The following SNX30 variants were observed in gnomAD, a reference collection of about 807,000 sequenced individuals.
SNX30 encodes sorting nexin-30.
A neutral mutation model predicts 46.4 loss-of-function variants in SNX30; 24 were observed. The ratio of observed to expected loss-of-function variants is 0.52; its 90% CI spans 0.37 to 0.73. The LOEUF (loss-of-function observed/expected upper bound fraction) is 0.73, where lower values mean the gene tolerates loss of function less well. SNX30 is among the 30% of genes least tolerant of loss of function. The pLI, the probability that SNX30 is intolerant of heterozygous loss-of-function variation, is 0.00. For missense variants in SNX30, 533 were observed against 555.7 expected, an observed-to-expected ratio of 0.96 and a Z score of 0.41; for synonymous variants, 189 against 211.5, an observed-to-expected ratio of 0.89 and a Z score of 0.92.
intron 1 of SNX30, among the ~76,000 whole-genome samples, chr9:112,764,141 G>A (rs1839491594): frequency 6.6e-6 from 1 of 152,152 alleles, no homozygotes; most frequent in South Asian, 2.1e-4. Context: ...AGAAGATGAT[G>A]TTTGAGCTGG....
chr9:112,795,886 A>G (rs1321749605), intron 1 of SNX30, among the ~76,000 whole-genome samples: 2 of 152,212 alleles, frequency 1.3e-5, no homozygotes, highest in Non-Finnish European at 2.9e-5. Context: ...GATTAAAACT[A>G]CAAAATGCTT....
intron 1 of SNX30, among the ~76,000 whole-genome samples, chr9:112,764,388 T>A (rs1389597082): frequency 6.6e-6 from 1 of 152,206 alleles, no homozygotes; most frequent in African/African-American, 2.4e-5. Flanking sequence ...TTGTTGTTGC[T>A]GTTTTTTAAA....
chr9:112,837,577 G>A (rs1354852373), intron 5 of SNX30, among the ~76,000 whole-genome samples: 4 of 151,920 alleles, frequency 2.6e-5, no homozygotes, highest in Non-Finnish European at 4.4e-5. Context: ...CCGGGTTCAC[G>A]CCATTCTCCT....
intron 6 of SNX30, among the ~76,000 whole-genome samples, chr9:112,845,951 T>G (rs1039491937): frequency 1.2e-4 from 18 of 151,830 alleles, no homozygotes; most frequent in African/African-American, 4.4e-4. Flanking sequence ...GGGAAGAAAA[T>G]TTCCAGAAAA....
intron 6 of SNX30, among the ~76,000 whole-genome samples, chr9:112,844,959 T>C (rs1374972666): frequency 6.6e-6 from 1 of 152,206 alleles, no homozygotes; most frequent in Admixed American, 6.5e-5. Context: ...AAGAGTTTTC[T>C]GGAAGATTGA....
At chr9:112,815,263 AAAAAT>A (rs1456497863) in intron 2 of SNX30, among the ~76,000 whole-genome samples, 6 of 152,228 alleles carry the variant, frequency 3.9e-5, no homozygotes, top group Non-Finnish European at 8.8e-5. Flanking sequence ...TGTAGTTACC[AAAAAT>A]GATTTCAAAT....
At chr9:112,788,073 T>G (rs1043691156) in intron 1 of SNX30, among the ~76,000 whole-genome samples, 1 of 152,236 alleles carries the variant, frequency 6.6e-6, no homozygotes, top group East Asian at 1.9e-4. Context: ...TTAGTCTTGC[T>G]AAAAGTGCAA....
At chr9:112,823,623 AAAGC>A (rs1840538779) in intron 3 of SNX30, among the ~76,000 whole-genome samples, 1 of 152,238 alleles carries the variant, frequency 6.6e-6, no homozygotes. Context: ...TTTAAGGAAG[AAAGC>A]TTTCTGGAAG....
In SNX30 at chr9:112,838,672, A is replaced by G; in HGVS notation, c.989A>G (p.Tyr330Cys). 6.2e-7 allele frequency: 1 copy of G among 1,614,124 alleles called. No individual in the cohort carries two copies. Among genetic ancestry groups the G allele is most frequent in the Non-Finnish European group, 8.5e-7 (1 of 1,179,988 alleles). Reference protein sequence around the residue: ...TEDFLPVLREYILYSDSMKSV... With the variant: ...TEDFLPVLRECILYSDSMKSV... ...GACTTCCTACCTGTGCTCAGGGAATATATTTTATACTCTGACTCCATGAAG... is the reference window on the plus strand; with the variant it reads ...GACTTCCTACCTGTGCTCAGGGAATGTATTTTATACTCTGACTCCATGAAG... The change falls in exon 6 of 9, where the codon TAT (tyrosine) becomes TGT (cysteine). Residue 330 changes from tyrosine to cysteine, a missense_variant. Tyr to Cys is a radical substitution (Grantham distance 194, BLOSUM62 -2). Around this residue, in one of 3 missense-constraint regions of SNX30, gnomAD observed 261 missense variants for 270.9 expected, o/e 0.96. Coordinates refer to ENST00000374232, the MANE Select transcript of SNX30 (RefSeq NM_001012994.2).
intron 6 of SNX30, among the ~76,000 whole-genome samples, chr9:112,842,439 T>G (rs57672123): frequency 0.17 from 26,552 of 152,218 alleles, 3,121 homozygotes; most frequent in African/African-American, 0.33. Context: ...AAATGGTGGA[T>G]GGCTGGTCCC....
chr9:112,836,913 A>G (rs962908782), intron 5 of SNX30, among the ~76,000 whole-genome samples: 10 of 152,224 alleles, frequency 6.6e-5, no homozygotes, highest in African/African-American at 2.4e-4. Flanking sequence ...GGGAGTTGCC[A>G]GGGCCTGTAT....
chr9:112,879,490 A>G, downstream of SNX30: 1 of 396,150 alleles, frequency 2.5e-6, no homozygotes, highest in Admixed American at 3.7e-5. Flanking sequence ...CCTGCCTGTA[A>G]CCCTTAAGGT....
chr9:112,876,887 G>A (rs985425795), downstream of SNX30, among the ~76,000 whole-genome samples: 7 of 147,698 alleles, frequency 4.7e-5, no homozygotes, highest in Middle Eastern at 3.2e-3. Flanking sequence ...AGTGAGCTGC[G>A]ATTGCACCAC....
chr9:112,767,506 A>G (rs1437942580), intron 1 of SNX30, among the ~76,000 whole-genome samples: 1 of 152,044 alleles, frequency 6.6e-6, no homozygotes, highest in East Asian at 1.9e-4. Flanking sequence ...CAGTGTCATG[A>G]AGCTTTTCCC....
At chr9:112,864,161 C>G in intron 7 of SNX30, 86 bp from the exon 8 acceptor site, 1 of 1,420,400 alleles carries the variant, frequency 7.0e-7, no homozygotes, top group Non-Finnish European at 9.9e-7. Context: ...GGGCTTTGGC[C>G]TTTGACAAAT....
intron 1 of SNX30, among the ~76,000 whole-genome samples, chr9:112,762,798 C>T (rs371821052): frequency 1.3e-5 from 2 of 152,202 alleles, no homozygotes; most frequent in African/African-American, 2.4e-5. Flanking sequence ...TCAGCAGAGG[C>T]GACGTTACCA....
intron 1 of SNX30, among the ~76,000 whole-genome samples, chr9:112,786,456 A>C (rs1211862865): frequency 6.6e-6 from 1 of 150,860 alleles, no homozygotes; most frequent in African/African-American, 2.4e-5. Context: ...TACACCTCAT[A>C]GTTTATAGCT....
chr9:112,809,091 CTTTTT>C (rs34992498), intron 2 of SNX30, among the ~76,000 whole-genome samples: 1 of 144,374 alleles, frequency 6.9e-6, no homozygotes. Flanking sequence ...GATTTTCTTT[CTTTTT>C]TTTTTTTTTT....
At chr9:112,766,054 G>A (rs562295425) in intron 1 of SNX30, among the ~76,000 whole-genome samples, 3 of 152,022 alleles carry the variant, frequency 2.0e-5, no homozygotes, top group Non-Finnish European at 2.9e-5. Flanking sequence ...CACCTGCCTC[G>A]GCCTCCCAAA....
Sources: gnomAD v4.1 joint callset for allele counts (sites outside exome capture counted in the v4.1 genomes callset) on GRCh38, gnomAD v4.1.1 for gene constraint, gnomAD v4.1.1 regional missense constraint, MANE v1.5 for transcripts, NCBI Gene and HGNC (gene_info 2026-07-23, HGNC 2026-07-21) for gene names.